RTL9: variants seen among roughly 807,000 people sequenced by gnomAD.
RTL9 encodes the protein retrotransposon Gag like 9.
A neutral mutation model predicts 44.7 loss-of-function variants in RTL9; 19 were observed. That is an observed-to-expected ratio of 0.42 (90% confidence interval 0.30 to 0.62). RTL9 has a LOEUF of 0.62. Ranked by LOEUF, RTL9 falls within the 20% of genes least tolerant of loss-of-function variation. RTL9 has a pLI of 0.16. For missense variants in RTL9, 1,105 were observed against 1,080.6 expected (o/e 1.02, Z -0.32); for synonymous variants, 407 against 398.9 (o/e 1.02, Z -0.24).
intron 1 of RTL9, among the ~76,000 whole-genome samples, chrX:110,437,804 C>T (rs951046051): frequency 9.0e-6 from 1 of 110,886 alleles, no homozygotes; most frequent in African/African-American, 3.3e-5. Flanking sequence ...ATTGAGGGGG[C>T]AGCAGATTGT....
intron 1 of RTL9, among the ~76,000 whole-genome samples, chrX:110,425,995 CACAA>C (rs2068750853): frequency 1.8e-5 from 2 of 112,112 alleles, no homozygotes; most frequent in African/African-American, 6.5e-5. Flanking sequence ...CACACACACA[CACAA>C]ACGCACACAC....
At chrX:110,405,101 C>CA (rs1556161294) in intron 1 of RTL9, among the ~76,000 whole-genome samples, 1 of 96,173 alleles carries the variant, frequency 1.0e-5, no homozygotes, top group Admixed American at 1.1e-4. Flanking sequence ...CCCCCCCCCC[C>CA]AAGCATGAGT....
Position 110,391,703 on chromosome X carries a change from C to G in RTL9, c.-168+32787C>G, listed in dbSNP as rs73542209. Among the ~76,000 whole-genome samples the G allele has an allele frequency of 8.1e-3, 904 of 112,191 alleles. 8 individuals are homozygous for G. Among genetic ancestry groups the G allele is most frequent in the African/African-American group, 0.027 (824 of 30,874 alleles). On this transcript the variant is annotated intron_variant, in intron 1 of 2. Transcript: ENST00000520821. Reference sequence around the variant, plus strand: ...TAAGTTGTCTTTAGTGAGAAACCATCTATATATACAAAGCCATAACATGTG... The same window carrying G: ...TAAGTTGTCTTTAGTGAGAAACCATGTATATATACAAAGCCATAACATGTG...
intron 1 of RTL9, among the ~76,000 whole-genome samples, chrX:110,423,503 G>A (rs764707299): frequency 8.9e-6 from 1 of 111,813 alleles, no homozygotes; most frequent in East Asian, 2.8e-4. Flanking sequence ...TCACACTAGA[G>A]CCAAGAGTGA....
At chrX:110,382,697 C>G (rs907835484) in intron 1 of RTL9, among the ~76,000 whole-genome samples, 3 of 111,462 alleles carry the variant, frequency 2.7e-5, no homozygotes, top group African/African-American at 9.8e-5. Flanking sequence ...TCTCCTTTCC[C>G]TTTCCTCTGC....
At chrX:110,403,468 G>A (rs895402783) in intron 1 of RTL9, among the ~76,000 whole-genome samples, 1 of 111,041 alleles carries the variant, frequency 9.0e-6, no homozygotes, top group Non-Finnish European at 1.9e-5. Context: ...ACACACACAC[G>A]CATGCGCGCA....
At chrX:110,452,420 G>A in exon 1 of RTL9, 1 of 1,211,767 alleles carries the variant, frequency 8.3e-7, no homozygotes, top group Non-Finnish European at 1.1e-6. Context: ...CAGGAGTGAT[G>A]TCCTGTCCAC....
chrX:110,446,644 C>A (rs1002804246), upstream of RTL9, among the ~76,000 whole-genome samples: 1 of 111,327 alleles, frequency 9.0e-6, no homozygotes, highest in Non-Finnish European at 1.9e-5. Flanking sequence ...TCACTGTTGG[C>A]GTTTTGGTAT....
exon 1 of RTL9, chrX:110,452,760 T>A (rs1164740173): frequency 8.3e-7 from 1 of 1,208,308 alleles, no homozygotes; most frequent in African/African-American, 1.8e-5. Flanking sequence ...AGCCAAAGTG[T>A]CTGGAAAGAT....
intron 1 of RTL9, among the ~76,000 whole-genome samples, chrX:110,363,005 G>A (rs901844368): frequency 2.6e-4 from 29 of 112,133 alleles, no homozygotes; most frequent in African/African-American, 9.4e-4. Context: ...AAGGAAGCTA[G>A]CATTTCAACT....
intron 1 of RTL9, among the ~76,000 whole-genome samples, chrX:110,406,266 C>T (rs1227610448): frequency 1.9e-5 from 2 of 108,011 alleles, no homozygotes; most frequent in African/African-American, 3.4e-5. Context: ...TAGCCCCCCA[C>T]GCCCCACAGG....
At chrX:110,385,395 G>A (rs775290433) in intron 1 of RTL9, among the ~76,000 whole-genome samples, 12 of 111,241 alleles carry the variant, frequency 1.1e-4, no homozygotes, top group African/African-American at 3.9e-4. Flanking sequence ...AAAGTGTACA[G>A]TTCAGTCATT....
In RTL9 at chrX:110,409,154, T is replaced by C. The variant is rs12011576; in HGVS notation, c.-167-35999T>C. Among the ~76,000 whole-genome samples the C allele has an allele frequency of 3.6e-3, 396 of 111,148 alleles. 2 individuals carry two copies. The highest frequency in any genetic ancestry group is 0.012 in the African/African-American group (356 of 30,551). On this transcript the variant is annotated intron_variant, in intron 1 of 2. Transcript: ENST00000520821. ...CTGGAGTCAGGCATGTAGGTCAGCA[T>C]AGTCGGGGTATATAAAACTGGCAGG... is the stretch of plus-strand genomic sequence containing the variant.
chrX:110,375,778 AT>A (rs2068372337), intron 1 of RTL9, among the ~76,000 whole-genome samples: 1 of 112,262 alleles, frequency 8.9e-6, no homozygotes, highest in South Asian at 3.7e-4. Context: ...TGGGCTAATG[AT>A]TTCAAGTTTT....
At chrX:110,451,584 C>A (rs752405087) in exon 1 of RTL9, 1 of 1,211,749 alleles carries the variant, frequency 8.3e-7, no homozygotes, top group Admixed American at 2.2e-5. Flanking sequence ...AATGTCCACA[C>A]CGCTACTGTC....
intron 1 of RTL9, among the ~76,000 whole-genome samples, chrX:110,440,878 T>C (rs1264816111): frequency 2.7e-5 from 3 of 112,196 alleles, no homozygotes; most frequent in African/African-American, 9.7e-5. Context: ...AACTGGATCA[T>C]GTCTGTACAT....
intron 1 of RTL9, among the ~76,000 whole-genome samples, chrX:110,407,801 C>A (rs899790819): frequency 6.2e-5 from 7 of 112,537 alleles, no homozygotes; most frequent in Admixed American, 4.7e-4. Flanking sequence ...CTCTCATTTT[C>A]TTTCTATTTG....
chrX:110,395,627 T>TTTTTTC (rs1181875627), intron 1 of RTL9, among the ~76,000 whole-genome samples: 5 of 112,245 alleles, frequency 4.5e-5, no homozygotes, highest in African/African-American at 1.3e-4. Flanking sequence ...TGAGACAACC[T>TTTTTTC]TTTTTCTTTT....
At chrX:110,438,734 A>G (rs1235143277) in intron 1 of RTL9, among the ~76,000 whole-genome samples, 1 of 111,456 alleles carries the variant, frequency 9.0e-6, no homozygotes, top group Non-Finnish European at 1.9e-5. Context: ...CCTCTTCAGA[A>G]CCAGCCCTTT....
Sources: gnomAD v4.1 joint callset for allele counts (sites outside exome capture counted in the v4.1 genomes callset) on GRCh38, gnomAD v4.1.1 for gene constraint, MANE v1.5 for transcripts, NCBI Gene and HGNC (gene_info 2026-07-23, HGNC 2026-07-21) for gene names.